The following PRKAA2 variants were observed in gnomAD, a reference collection of about 807,000 sequenced individuals.
PRKAA2 encodes 5'-AMP-activated protein kinase catalytic subunit alpha-2.
PRKAA2 carries 40 observed loss-of-function variants against 56.3 expected under a neutral mutation model. That is an observed-to-expected ratio of 0.71 (90% CI 0.55 to 0.92). The LOEUF (loss-of-function observed/expected upper bound fraction) is 0.92. Among genes scored for constraint, PRKAA2 ranks in the 40% least tolerant of loss-of-function variants. The pLI, the probability that PRKAA2 is intolerant of heterozygous loss-of-function variation, is 0.00. For missense variants in PRKAA2, 542 were observed against 686.9 expected (o/e 0.79, Z 2.36); for synonymous variants, 214 against 234.2 (o/e 0.91, Z 0.79).
At chr1:56,703,555 A>G (rs1212885040) in intron 6 of PRKAA2, among the ~76,000 whole-genome samples, 1 of 152,188 alleles carries the variant, frequency 6.6e-6, no homozygotes, top group Non-Finnish European at 1.5e-5. Flanking sequence ...CCTCACTCAG[A>G]TAAGTGGTTG....
In PRKAA2 at chr1:56,704,491, G is replaced by A; in HGVS notation, c.1293+16G>A. ...TGAATGGAAGGTAGGAAATTATAAT[G>A]TAATAAGATCATTTGTAGAAGCCAT... is the stretch of plus-strand genomic sequence containing the variant. On this transcript the variant is annotated intron_variant, in intron 7 of 8. Transcript: ENST00000371244. 6.4e-7 allele frequency: 1 copy of A among 1,562,972 alleles called. No individual in the cohort carries two copies. Among genetic ancestry groups the A allele is most frequent in the Non-Finnish European group, 8.6e-7 (1 of 1,162,510 alleles).
At chr1:56,676,301 AGAG>A (rs1208220207) in intron 2 of PRKAA2, among the ~76,000 whole-genome samples, 1 of 152,206 alleles carries the variant, frequency 6.6e-6, no homozygotes, top group Non-Finnish European at 1.5e-5. Flanking sequence ...TCTTAAAAGT[AGAG>A]GAGAAGAGTA....
chr1:56,672,919 C>G (rs1209014590), intron 1 of PRKAA2, among the ~76,000 whole-genome samples: 1 of 151,878 alleles, frequency 6.6e-6, no homozygotes, highest in Non-Finnish European at 1.5e-5. Flanking sequence ...GATACAGGAT[C>G]AATGGAAAAG....
chr1:56,709,628 AT>A lies in PRKAA2; in HGVS notation c.*1916del, dbSNP rs1440330878. On this transcript the variant is annotated 3_prime_UTR_variant, in exon 9 of 9. Coordinates refer to ENST00000371244, the MANE Select transcript of PRKAA2 (RefSeq NM_006252.4). The stretch of plus-strand genomic sequence containing the variant: ...TGGGAAAAAACAGGGCCACCTCATA[AT>A]ATTTGCCTGATTATGAATGGAATTA... 6.6e-6 allele frequency: 1 copy of A among 152,112 alleles called. No individual in the cohort carries two copies. The highest frequency in any genetic ancestry group is 6.6e-5 in the Admixed American group (1 of 15,254). The allele number at this position is 152,112 out of a possible 1,614,324, so 9.4% of individuals were successfully genotyped here. A position where few individuals can be genotyped will look rare whatever the true frequency, so the allele number is the denominator to read the frequency against.
rs1644392172 is a variant in PRKAA2, at chr1:56,714,425, AAAAT to A, written c.*6715_*6718del. ...TCAATGTAAATTCCTTTTTTTAAAA[AAAAT>A]AAGTATCTTTGATACTGATAGGATG... On this transcript the variant is annotated 3_prime_UTR_variant, in exon 9 of 9. Coordinates refer to ENST00000371244, the MANE Select transcript of PRKAA2 (RefSeq NM_006252.4). The A allele has an allele frequency of 1.3e-5, 2 of 152,204 alleles. No homozygotes were observed. The highest frequency in any genetic ancestry group is 2.9e-5 in the Non-Finnish European group (2 of 68,026). The allele number at this position is 152,204 out of a possible 1,614,324, so 9.4% of individuals were successfully genotyped here.
Position 56,650,518 on chromosome 1 carries a change from G to T in PRKAA2, c.94+5037G>T, listed in dbSNP as rs192816672. Among the ~76,000 whole-genome samples, 4 of 152,222 alleles carry T rather than the reference G, an allele frequency of 2.6e-5. No homozygotes were observed. The East Asian group carries it at 7.7e-4, about 29-fold the overall frequency. On this transcript the variant is annotated intron_variant, in intron 1 of 8. Transcript: ENST00000371244. ...AAGGTGATAGAAATTCTAGAAGAAT[G>T]GTCCTGTTGTTTGTGTTATATAAAG...
chr1:56,702,330 G>T (rs542315412), intron 6 of PRKAA2, among the ~76,000 whole-genome samples: 1 of 152,094 alleles, frequency 6.6e-6, no homozygotes, highest in Non-Finnish European at 1.5e-5. Context: ...TGATCCGCCT[G>T]CCTCGGCCTC....
At chr1:56,674,914 C>T (rs1425237847) in intron 2 of PRKAA2, among the ~76,000 whole-genome samples, 1 of 151,938 alleles carries the variant, frequency 6.6e-6, no homozygotes, top group Non-Finnish European at 1.5e-5. Context: ...TTTTCACTAA[C>T]ATTCAGGGTA....
intron 2 of PRKAA2, among the ~76,000 whole-genome samples, chr1:56,684,797 A>G (rs11809354): frequency 0.12 from 18,457 of 152,122 alleles, 1,695 homozygotes; most frequent in African/African-American, 0.24. Context: ...AAGGGGAGAT[A>G]GTAACTATAG....
intron 2 of PRKAA2, among the ~76,000 whole-genome samples, chr1:56,682,764 G>A (rs1003462598): frequency 6.6e-6 from 1 of 152,182 alleles, no homozygotes; most frequent in African/African-American, 2.4e-5. Context: ...TTTAACCAAA[G>A]TGATAATCTA....
chr1:56,669,526 A>G lies in PRKAA2; in HGVS notation c.95-4855A>G, dbSNP rs528583926. On this transcript the variant is annotated intron_variant, in intron 1 of 8. Transcript: ENST00000371244. Reference sequence around the variant, plus strand: ...CCAGCCCTGCCTACTGGGATCTACCATGGTCACTCACCTACTAGTTGAGTG... The same window carrying G: ...CCAGCCCTGCCTACTGGGATCTACCGTGGTCACTCACCTACTAGTTGAGTG... 1.5e-4 allele frequency among the ~76,000 whole-genome samples: 23 copies of G among 151,864 alleles called. No individual in the cohort carries two copies. The East Asian group carries it at 3.9e-3, about 26-fold the overall frequency.
intron 1 of PRKAA2, among the ~76,000 whole-genome samples, chr1:56,660,259 A>G (rs1643983601): frequency 6.6e-6 from 1 of 152,258 alleles, no homozygotes; most frequent in African/African-American, 2.4e-5. Flanking sequence ...TGTTAAATGA[A>G]TGAATGAGCA....
intron 1 of PRKAA2, among the ~76,000 whole-genome samples, chr1:56,650,152 A>T (rs915713384): frequency 7.2e-5 from 11 of 152,162 alleles, no homozygotes; most frequent in African/African-American, 2.7e-4. Context: ...CAATTTATGG[A>T]CCAAAGTTAG....
chr1:56,663,913 A>T lies in PRKAA2; in HGVS notation c.95-10468A>T, dbSNP rs150655763. ...CCAGGAGTTTGAGACCAGCTTTGGC[A>T]ACATAGCAAGACCCTGTCTCTACAA... On this transcript the variant is annotated intron_variant, in intron 1 of 8. Coordinates refer to ENST00000371244, the MANE Select transcript of PRKAA2 (RefSeq NM_006252.4). Among the ~76,000 whole-genome samples the T allele has an allele frequency of 4.3e-3, 656 of 152,230 alleles. 7 individuals are homozygous for T. Among genetic ancestry groups the T allele is most frequent in the African/African-American group, 0.015 (603 of 41,544 alleles).
intron 2 of PRKAA2, among the ~76,000 whole-genome samples, chr1:56,681,222 C>A (rs949555298): frequency 2.6e-5 from 4 of 151,912 alleles, no homozygotes; most frequent in Admixed American, 6.6e-5. Context: ...TTTTCTTGTA[C>A]ATTTGTTAAG....
At chr1:56,698,129 C>A (rs1644271325) in intron 6 of PRKAA2, among the ~76,000 whole-genome samples, 1 of 137,262 alleles carries the variant, frequency 7.3e-6, no homozygotes, top group African/African-American at 2.8e-5. Context: ...GTTTACCAGG[C>A]TGGTCTTGAA....
At chr1:56,663,329 C>G (rs1644009781) in intron 1 of PRKAA2, among the ~76,000 whole-genome samples, 1 of 152,156 alleles carries the variant, frequency 6.6e-6, no homozygotes, top group Non-Finnish European at 1.5e-5. Context: ...CTCAAGCGAT[C>G]CTCTCGCCCC....
intron 2 of PRKAA2, among the ~76,000 whole-genome samples, chr1:56,679,255 A>T (rs1644136467): frequency 6.6e-6 from 1 of 152,106 alleles, no homozygotes; most frequent in South Asian, 2.1e-4. Flanking sequence ...ATCTACTACC[A>T]TGGTGCCATT....
In PRKAA2 at chr1:56,714,978, T is replaced by A. The variant is rs915791826; in HGVS notation, c.*7265T>A. On this transcript the variant is annotated 3_prime_UTR_variant, in exon 9 of 9. Transcript: ENST00000371244. ...TACTTCATTACGTATTTATTGAAAA[T>A]TTTTTTTAATTGTTGAAATTGGGAC... 8.6e-5 allele frequency: 13 copies of A among 151,956 alleles called. No homozygotes were observed. Among genetic ancestry groups the A allele is most frequent in the Non-Finnish European group, 1.5e-4 (10 of 67,944 alleles). 9.4% of individuals were successfully genotyped at this position (151,956 alleles called of 1,614,324 possible). A position where few individuals can be genotyped will look rare whatever the true frequency, so the allele number is the denominator to read the frequency against.
Sources: gnomAD v4.1 joint callset for allele counts (sites outside exome capture counted in the v4.1 genomes callset) on GRCh38, gnomAD v4.1.1 for gene constraint, MANE v1.5 for transcripts, NCBI Gene and HGNC (gene_info 2026-07-23, HGNC 2026-07-21) for gene names.